Variants in TEAD1 observed in about 807,000 individuals in gnomAD.
TEAD1 encodes transcriptional enhancer factor TEF-1.
TEAD1 carries 9 observed loss-of-function variants against 54.9 expected under a neutral mutation model. That is an observed-to-expected ratio of 0.16 (90% confidence interval 0.10 to 0.29). TEAD1 has a LOEUF of 0.29. TEAD1 is among the 10% of genes least tolerant of loss of function. TEAD1 has a pLI of 1.00. For synonymous variants in TEAD1, 200 were observed against 187.8 expected, an observed-to-expected ratio of 1.07 and a Z score of -0.53; for missense variants, 387 against 535.9, an observed-to-expected ratio of 0.72 and a Z score of 2.74.
At chr11:12,765,902 T>G (rs1389361027) in intron 3 of TEAD1, among the ~76,000 whole-genome samples, 2 of 152,234 alleles carry the variant, frequency 1.3e-5, no homozygotes, top group Non-Finnish European at 2.9e-5. Context: ...CCTGGTCTCT[T>G]CATCTCAGCC....
Position 12,834,761 on chromosome 11 carries a change from C to T in TEAD1, c.203-27489C>T, listed in dbSNP as rs1946852547. 2.7e-5 allele frequency among the ~76,000 whole-genome samples: 4 copies of T among 146,226 alleles called. No individual in the cohort carries two copies. The South Asian group carries it at 9.0e-4, about 33-fold the overall frequency. On this transcript the variant is annotated intron_variant, in intron 3 of 12. Transcript: ENST00000527636. Reference sequence around the variant, plus strand: ...ACAGAGGTTCACACCTCTGTGCCCACTCTTTTTTTTTTTTTTTCTTAATTT... The same window carrying T: ...ACAGAGGTTCACACCTCTGTGCCCATTCTTTTTTTTTTTTTTTCTTAATTT...
At chr11:12,894,672 C>T (rs1022318633) in intron 9 of TEAD1, among the ~76,000 whole-genome samples, 8 of 152,204 alleles carry the variant, frequency 5.3e-5, no homozygotes, top group Admixed American at 3.9e-4. Flanking sequence ...CCGATGGTAA[C>T]ATCAGAACAG....
intron 8 of TEAD1, among the ~76,000 whole-genome samples, chr11:12,882,757 T>C (rs11022529): frequency 0.24 from 36,105 of 152,164 alleles, 5,496 homozygotes; most frequent in East Asian, 0.7. Flanking sequence ...GTCCTCATAC[T>C]GCAGCCCTTA....
At chr11:12,897,735 A>G (rs1481783254) in intron 9 of TEAD1, among the ~76,000 whole-genome samples, 4 of 152,244 alleles carry the variant, frequency 2.6e-5, no homozygotes, top group Non-Finnish European at 5.9e-5. Context: ...TATCTGATGC[A>G]TTTGTGAATC....
At position 12,737,758 on chromosome 11, in the gene TEAD1, A is replaced by G. The variant is rs572620151; in HGVS notation, c.-54-26421A>G. On this transcript the variant is annotated intron_variant, in intron 2 of 12. Coordinates refer to ENST00000527636, the MANE Select transcript of TEAD1 (RefSeq NM_021961.6). ...AGCAAATCAAAAATTCTTTTCTCCT[A>G]TGTGAAACATAAACCAAGAGTAAGG... Among the ~76,000 whole-genome samples the G allele has an allele frequency of 1.1e-3, 167 of 152,336 alleles. 1 individual carries two copies. Among genetic ancestry groups the G allele is most frequent in the African/African-American group, 3.8e-3 (159 of 41,576 alleles).
intron 3 of TEAD1, among the ~76,000 whole-genome samples, chr11:12,810,569 G>T (rs1018459655): frequency 6.6e-6 from 1 of 152,062 alleles, no homozygotes; most frequent in Middle Eastern, 3.2e-3. Flanking sequence ...CTTAGTCTTC[G>T]GAGTCGTTTT....
intron 3 of TEAD1, among the ~76,000 whole-genome samples, chr11:12,765,132 T>G (rs1945179839): frequency 6.6e-6 from 1 of 151,858 alleles, no homozygotes; most frequent in Non-Finnish European, 1.5e-5. Flanking sequence ...ACACCAAGAG[T>G]GCCAAGGAGA....
intron 3 of TEAD1, among the ~76,000 whole-genome samples, chr11:12,791,797 A>G (rs376476199): frequency 2.0e-5 from 3 of 152,352 alleles, no homozygotes; most frequent in East Asian, 1.9e-4. Context: ...AATAGGCAGA[A>G]TAAAGCTAGG....
At chr11:12,739,752 C>T (rs1031961224) in intron 2 of TEAD1, among the ~76,000 whole-genome samples, 2 of 152,200 alleles carry the variant, frequency 1.3e-5, no homozygotes, top group Non-Finnish European at 2.9e-5. Flanking sequence ...GTCCCTCTCT[C>T]CCTCTGTTAC....
At chr11:12,818,449 C>T (rs187542702) in intron 3 of TEAD1, among the ~76,000 whole-genome samples, 19 of 152,198 alleles carry the variant, frequency 1.2e-4, no homozygotes, top group Middle Eastern at 3.4e-3. Context: ...AGAAGTAAGG[C>T]TTTGGGGCCT....
intron 3 of TEAD1, among the ~76,000 whole-genome samples, chr11:12,852,179 G>A (rs1002141728): frequency 6.6e-5 from 10 of 152,320 alleles, no homozygotes; most frequent in African/African-American, 2.2e-4. Flanking sequence ...ACTCTATGAA[G>A]AGCCACATTC....
At chr11:12,793,392 G>C (rs1590157404) in intron 3 of TEAD1, among the ~76,000 whole-genome samples, 2 of 151,970 alleles carry the variant, frequency 1.3e-5, no homozygotes, top group Non-Finnish European at 2.9e-5. Context: ...GATCAGTGCT[G>C]GATATTTAGG....
chr11:12,764,770 A>G (rs942838732), intron 3 of TEAD1, among the ~76,000 whole-genome samples: 55 of 151,350 alleles, frequency 3.6e-4, no homozygotes, highest in Middle Eastern at 3.2e-3. Flanking sequence ...CACAGACCAG[A>G]TCACAAGGAA....
At chr11:12,715,057 C>T (rs1156316828) in intron 2 of TEAD1, among the ~76,000 whole-genome samples, 1 of 152,116 alleles carries the variant, frequency 6.6e-6, no homozygotes, top group African/African-American at 2.4e-5. Flanking sequence ...AGGCACTGCC[C>T]TCTAGGAATG....
Position 12,883,145 on chromosome 11 carries a change from T to G in TEAD1, c.699+20T>G. 6.2e-7 allele frequency: 1 copy of G among 1,614,026 alleles called. No individual in the cohort carries two copies. Among genetic ancestry groups the G allele is most frequent in the Non-Finnish European group, 8.5e-7 (1 of 1,180,020 alleles). ...GACTCGGTGAGTGTGCCCAGAGAGG[T>G]GTGTCTTGAATCCAGGATTTCTTTC... On this transcript the variant is annotated intron_variant, in intron 9 of 12. Transcript: ENST00000527636.
chr11:12,680,277 G>A (rs1412814742), intron 2 of TEAD1, among the ~76,000 whole-genome samples: 4 of 152,138 alleles, frequency 2.6e-5, no homozygotes, highest in African/African-American at 9.7e-5. Flanking sequence ...AAGCCCAAGC[G>A]CCTAATCCTC....
chr11:12,930,170 A>G lies in TEAD1; in HGVS notation c.1015-4A>G, dbSNP rs746485324. 12 of 1,613,944 alleles carry G rather than the reference A, an allele frequency of 7.4e-6. No individual in the cohort carries two copies. In the South Asian group the frequency reaches 1.1e-4, roughly 15 times the overall value. ...AAAATACTGAAATCCTTTTTTCCTC[A>G]CAGACGGAGTATGCAAGGTTTGAGA... On this transcript the variant is annotated splice_region_variant and splice_polypyrimidine_tract_variant and intron_variant, in intron 11 of 12. Transcript: ENST00000527636.
chr11:12,751,062 G>C (rs931223594), intron 2 of TEAD1, among the ~76,000 whole-genome samples: 17 of 152,160 alleles, frequency 1.1e-4, no homozygotes, highest in African/African-American at 4.1e-4. Flanking sequence ...TGTAGTCCCA[G>C]CACTTCGGGA....
At chr11:12,707,609 GGGTGTCTGC>G (rs2133847130) in intron 2 of TEAD1, among the ~76,000 whole-genome samples, 1 of 152,320 alleles carries the variant, frequency 6.6e-6, no homozygotes, top group Non-Finnish European at 1.5e-5. Flanking sequence ...GTAGGGAAGA[GGGTGTCTGC>G]TAGAGAGAGA....
Sources: allele counts gnomAD v4.1 joint callset (sites outside exome capture counted in the v4.1 genomes callset), GRCh38; gene constraint gnomAD v4.1.1; transcripts MANE v1.5; gene names NCBI Gene and HGNC (gene_info 2026-07-23, HGNC 2026-07-21).